Variants in DDAH1 observed in about 807,000 individuals in gnomAD.
DDAH1 encodes the protein N(G),N(G)-dimethylarginine dimethylaminohydrolase 1.
In DDAH1, 19 loss-of-function variants were observed where a neutral mutation model predicts 28.8. The observed-to-expected ratio is 0.66, with a 90% CI of 0.46 to 0.97. The LOEUF (loss-of-function observed/expected upper bound fraction) is 0.97. Among genes scored for constraint, DDAH1 ranks in the 50% least tolerant of loss-of-function variants. The probability of loss-of-function intolerance (pLI) is 0.00; values close to 1 mark genes in which losing one functional copy is unlikely to be tolerated. For missense variants in DDAH1, 326 were observed against 375.9 expected (o/e 0.87, Z 1.10); for synonymous variants, 153 against 154.4 (o/e 0.99, Z 0.07).
intron 4 of DDAH1, among the ~76,000 whole-genome samples, chr1:85,329,934 C>T (rs1232164683): frequency 6.6e-6 from 1 of 152,150 alleles, no homozygotes; most frequent in Non-Finnish European, 1.5e-5. Flanking sequence ...ATGCTTTTCC[C>T]CCTTGAAAAT....
chr1:85,497,455 A>G (rs997597337), intron 1 of DDAH1, among the ~76,000 whole-genome samples: 6 of 152,230 alleles, frequency 3.9e-5, no homozygotes, highest in African/African-American at 1.2e-4. Context: ...AAGAAAGAGT[A>G]CTAACTGTTA....
chr1:85,472,783 A>G (rs1012435499), intron 2 of DDAH1, among the ~76,000 whole-genome samples: 3 of 152,126 alleles, frequency 2.0e-5, no homozygotes, highest in Non-Finnish European at 4.4e-5. Context: ...TATGTTGCAT[A>G]ATGCTGAGAT....
At chr1:85,431,225 C>T (rs964066928) in intron 1 of DDAH1, among the ~76,000 whole-genome samples, 2 of 152,152 alleles carry the variant, frequency 1.3e-5, no homozygotes, top group Non-Finnish European at 2.9e-5. Flanking sequence ...ACCAGCCTTG[C>T]ATCCCAGGGA....
intron 1 of DDAH1, among the ~76,000 whole-genome samples, chr1:85,452,842 C>A (rs1014143319): frequency 6.6e-6 from 1 of 152,170 alleles, no homozygotes; most frequent in African/African-American, 2.4e-5. Context: ...AGCAAACCAA[C>A]AACAACAAAA....
chr1:85,525,567 T>TCACACACACACCCACACACACA (rs1553145746), intron 1 of DDAH1, among the ~76,000 whole-genome samples: 1 of 148,984 alleles, frequency 6.7e-6, no homozygotes, highest in Non-Finnish European at 1.5e-5. Flanking sequence ...AGAATGATAT[T>TCACACACACACCCACACACACA]CACACACACA....
chr1:85,348,576 GT>G (rs898009299), intron 4 of DDAH1, among the ~76,000 whole-genome samples: 25 of 152,112 alleles, frequency 1.6e-4, no homozygotes, highest in African/African-American at 6.0e-4. Flanking sequence ...CTTATGCCAT[GT>G]CCCCACCTGT....
intron 1 of DDAH1, among the ~76,000 whole-genome samples, chr1:85,391,124 T>TAG (rs144117867): frequency 0.017 from 2,608 of 152,332 alleles, 70 homozygotes; most frequent in East Asian, 0.12. Context: ...TAACCTGACT[T>TAG]ATTCTGCTCC....
intron 1 of DDAH1, among the ~76,000 whole-genome samples, chr1:85,424,010 G>C (rs1315694615): frequency 6.6e-6 from 1 of 152,120 alleles, no homozygotes; most frequent in Non-Finnish European, 1.5e-5. Flanking sequence ...TGTTGATGTG[G>C]TGGATTACAC....
intron 1 of DDAH1, among the ~76,000 whole-genome samples, chr1:85,507,523 T>TTAAAC (rs1286698710): frequency 7.3e-5 from 6 of 82,140 alleles, no homozygotes; most frequent in Non-Finnish European, 1.6e-4. Context: ...AATAAATAAA[T>TTAAAC]AAATAAACAA....
intron 1 of DDAH1, among the ~76,000 whole-genome samples, chr1:85,514,236 G>A (rs1657361553): frequency 6.6e-6 from 1 of 152,138 alleles, no homozygotes; most frequent in Admixed American, 6.5e-5. Flanking sequence ...CCTTTGCAGG[G>A]ACACGGATGA....
chr1:85,540,091 T>G (rs548117746), intron 1 of DDAH1, among the ~76,000 whole-genome samples: 3 of 151,742 alleles, frequency 2.0e-5, no homozygotes, highest in South Asian at 2.1e-4. Flanking sequence ...ACATTAAATA[T>G]ACATGCTAAG....
upstream of DDAH1, chr1:85,465,200 C>T (rs1317183717): frequency 9.7e-6 from 11 of 1,128,530 alleles, no homozygotes; most frequent in Admixed American, 9.8e-5. Context: ...GCCCTGCCCG[C>T]GCGACTGAGC....
chr1:85,488,401 G>A (rs1000730531), intron 2 of DDAH1: 2 of 152,120 alleles, frequency 1.3e-5, no homozygotes, highest in African/African-American at 2.4e-5. Context: ...CTAACATGCA[G>A]ATAGAGAACC....
chr1:85,431,440 GA>G (rs1653684389), intron 1 of DDAH1, among the ~76,000 whole-genome samples: 1 of 152,148 alleles, frequency 6.6e-6, no homozygotes, highest in Non-Finnish European at 1.5e-5. Context: ...CTGACAGTGA[GA>G]AAACAAAAGT....
intron 4 of DDAH1, among the ~76,000 whole-genome samples, chr1:85,342,436 T>G (rs763833984): frequency 2.0e-5 from 3 of 151,822 alleles, no homozygotes; most frequent in African/African-American, 4.8e-5. Context: ...TATGGGAATA[T>G]GAGTCAAATG....
At chr1:85,440,748 T>C (rs1570547431) in intron 1 of DDAH1, among the ~76,000 whole-genome samples, 3 of 152,368 alleles carry the variant, frequency 2.0e-5, no homozygotes, top group Admixed American at 6.5e-5. Flanking sequence ...CTGATTTTAC[T>C]GTCTAGACAC....
chr1:85,465,328 C>T (rs952937876), upstream of DDAH1: 12 of 541,484 alleles, frequency 2.2e-5, no homozygotes, highest in African/African-American at 2.3e-4. Context: ...AGGAGTGGGG[C>T]CAGGAGAGGC....
chr1:85,370,137 A>G (rs1650303828), intron 1 of DDAH1, among the ~76,000 whole-genome samples: 1 of 152,214 alleles, frequency 6.6e-6, no homozygotes, highest in Non-Finnish European at 1.5e-5. Context: ...AAATGAGGTC[A>G]TTAGGATGGG....
chr1:85,364,596 G>A (rs1649965976), intron 1 of DDAH1, among the ~76,000 whole-genome samples: 1 of 151,624 alleles, frequency 6.6e-6, no homozygotes. Context: ...TGCCCAGGCT[G>A]GAGTGCAATG....
Sources: gnomAD v4.1 joint callset for allele counts (sites outside exome capture counted in the v4.1 genomes callset) on GRCh38, gnomAD v4.1.1 for gene constraint, MANE v1.5 for transcripts, NCBI Gene and HGNC (gene_info 2026-07-23, HGNC 2026-07-21) for gene names.